The following PLD5 variants were observed in gnomAD, a reference collection of about 807,000 sequenced individuals.
PLD5 encodes the protein inactive phospholipase D5.
Under a neutral mutation model 61.1 loss-of-function variants are expected in PLD5, and 36 were observed. The ratio of observed to expected loss-of-function variants is 0.59; its 90% CI spans 0.45 to 0.78. The LOEUF (loss-of-function observed/expected upper bound fraction) is 0.78. Among genes scored for constraint, PLD5 ranks in the 30% least tolerant of loss-of-function variants. PLD5 has a pLI of 0.00. For missense variants in PLD5, 515 were observed against 644.4 expected, an observed-to-expected ratio of 0.80 and a Z score of 2.17; for synonymous variants, 243 against 242.8, an observed-to-expected ratio of 1.00 and a Z score of -0.01.
chr1:242,299,644 G>T (rs1383625115), intron 2 of PLD5, among the ~76,000 whole-genome samples: 1 of 152,232 alleles, frequency 6.6e-6, no homozygotes, highest in African/African-American at 2.4e-5. Flanking sequence ...ATGTCCTGGG[G>T]CATGAGGTCC....
intron 5 of PLD5, among the ~76,000 whole-genome samples, chr1:242,154,250 A>G (rs1032681767): frequency 6.6e-6 from 1 of 152,154 alleles, no homozygotes; most frequent in African/African-American, 2.4e-5. Context: ...TTGGGCTGAG[A>G]AGATGGGGTT....
At chr1:242,515,238 G>A (rs983242897) in intron 1 of PLD5, among the ~76,000 whole-genome samples, 59 of 152,108 alleles carry the variant, frequency 3.9e-4, no homozygotes, top group Admixed American at 3.9e-3. Context: ...GAGAGTGTGT[G>A]TATCACTACT....
intron 1 of PLD5, among the ~76,000 whole-genome samples, chr1:242,423,069 T>G (rs187481105): frequency 4.6e-5 from 7 of 152,176 alleles, no homozygotes; most frequent in African/African-American, 1.7e-4. Context: ...CAGGCTGGTC[T>G]TAAACTCCTG....
rs552607202 is a variant in PLD5, at chr1:242,505,332, C to T, written c.189+18756G>A. Among the ~76,000 whole-genome samples, 10 of 152,204 alleles carry T rather than the reference C, an allele frequency of 6.6e-5. No individual in the cohort carries two copies. In the South Asian group the frequency reaches 2.1e-3, roughly 32 times the overall value. On this transcript the variant is annotated intron_variant, in intron 1 of 9. Transcript: ENST00000536534. ...TTTGTAACAGGAAGGTTTAATTAGACCCCAAGAGTAGATTTCTGAACAAGG... is the reference window on the plus strand; with the variant it reads ...TTTGTAACAGGAAGGTTTAATTAGATCCCAAGAGTAGATTTCTGAACAAGG...
intron 5 of PLD5, among the ~76,000 whole-genome samples, chr1:242,193,852 G>A (rs1231552650): frequency 6.6e-6 from 1 of 152,178 alleles, no homozygotes; most frequent in East Asian, 1.9e-4. Flanking sequence ...AAAAGTAAAT[G>A]TTTTATAAAC....
chr1:242,277,174 A>C (rs1674461016), intron 3 of PLD5, among the ~76,000 whole-genome samples: 1 of 152,214 alleles, frequency 6.6e-6, no homozygotes, highest in Non-Finnish European at 1.5e-5. Context: ...CACAGCATCC[A>C]CAGCCTGGCA....
intron 1 of PLD5, among the ~76,000 whole-genome samples, chr1:242,481,421 C>A (rs188486191): frequency 1.3e-5 from 2 of 152,350 alleles, no homozygotes; most frequent in East Asian, 1.9e-4. Flanking sequence ...TATCCCGTGC[C>A]TGGCTCAGAG....
At chr1:242,254,296 C>T (rs1158020249) in intron 4 of PLD5, among the ~76,000 whole-genome samples, 3 of 144,914 alleles carry the variant, frequency 2.1e-5, no homozygotes, top group Non-Finnish European at 3.0e-5. Context: ...TATATATTAT[C>T]TAATTTAATT....
At chr1:242,203,571 A>T (rs1054822375) in intron 5 of PLD5, 1 of 152,206 alleles carries the variant, frequency 6.6e-6, no homozygotes, top group East Asian at 1.9e-4. Context: ...CTGAGTTTTC[A>T]GTTCATGCGA....
At chr1:242,220,233 G>T in intron 4 of PLD5, 118 bp from the exon 5 acceptor site, 3 of 1,321,876 alleles carry the variant, frequency 2.3e-6, no homozygotes, top group Non-Finnish European at 3.2e-6. Context: ...ATTTAGGAAA[G>T]CTAAATATTT....
intron 1 of PLD5, among the ~76,000 whole-genome samples, chr1:242,453,870 G>A (rs546956475): frequency 6.6e-6 from 1 of 152,210 alleles, no homozygotes; most frequent in Admixed American, 6.5e-5. Context: ...CTATCTTCCT[G>A]TACTACCTAT....
chr1:242,527,520 T>C (rs1313864959), upstream of PLD5, among the ~76,000 whole-genome samples: 2 of 152,234 alleles, frequency 1.3e-5, no homozygotes, highest in African/African-American at 4.8e-5. Context: ...AATTCATAGA[T>C]CACATTTGTT....
Position 242,089,963 on chromosome 1 carries a change from G to T in PLD5, c.1502C>A (p.Thr501Asn). The change falls in exon 10 of 10, where the codon ACC becomes AAC. Residue 501 changes from threonine to asparagine, a missense_variant. Physicochemically the swap from Thr to Asn is moderately conservative, Grantham distance 65. Coordinates refer to ENST00000536534, the MANE Select transcript of PLD5 (RefSeq NM_001372062.1). ...GTTCGGCTGTTTGGTTGGCTGTAAGGTTTTGGCATACGGTGAATACCAGTC... is the reference window on the plus strand; with the variant it reads ...GTTCGGCTGTTTGGTTGGCTGTAAGTTTTTGGCATACGGTGAATACCAGTC... ...ERDWYSPYAKTLQPTKQPNCS... is the reference protein window; with the variant it reads ...ERDWYSPYAKNLQPTKQPNCS... 2 of 1,614,202 alleles carry T rather than the reference G, an allele frequency of 1.2e-6. No individual in the cohort carries two copies. The highest frequency in any genetic ancestry group is 3.3e-4 in the Middle Eastern group (2 of 6,062).
chr1:242,107,596 G>T, intron 8 of PLD5, 75 bp downstream of exon 8: 1 of 1,354,274 alleles, frequency 7.4e-7, no homozygotes, highest in Non-Finnish European at 1.0e-6. Flanking sequence ...ACACATAGGC[G>T]TATGCTTGCA....
intron 1 of PLD5, among the ~76,000 whole-genome samples, chr1:242,494,142 T>TC (rs1161439332): frequency 1.6e-5 from 2 of 122,894 alleles, no homozygotes; most frequent in Non-Finnish European, 3.3e-5. Context: ...TCCCCTCTCC[T>TC]CTCTCGATTC....
At chr1:242,445,721 A>G (rs893656817) in intron 1 of PLD5, among the ~76,000 whole-genome samples, 2 of 149,082 alleles carry the variant, frequency 1.3e-5, no homozygotes, top group East Asian at 4.0e-4. Flanking sequence ...GTGGCATGCC[A>G]GGTAATGTAA....
intron 5 of PLD5, among the ~76,000 whole-genome samples, chr1:242,145,122 G>A (rs1285845059): frequency 6.6e-6 from 1 of 152,148 alleles, no homozygotes; most frequent in Non-Finnish European, 1.5e-5. Flanking sequence ...GTAAAGGATG[G>A]TACTAGAATG....
chr1:242,515,197 T>C (rs1228088052), intron 1 of PLD5, among the ~76,000 whole-genome samples: 2 of 147,830 alleles, frequency 1.4e-5, no homozygotes, highest in South Asian at 2.1e-4. Context: ...CCTTTGTGTG[T>C]GCGTGTGTGT....
intron 4 of PLD5, among the ~76,000 whole-genome samples, chr1:242,246,192 C>A (rs962808860): frequency 1.5e-4 from 23 of 151,710 alleles, no homozygotes; most frequent in African/African-American, 5.3e-4. Flanking sequence ...CACAGTGAGA[C>A]CCCCATCTCT....
Sources: allele counts gnomAD v4.1 joint callset (sites outside exome capture counted in the v4.1 genomes callset), GRCh38; gene constraint gnomAD v4.1.1; transcripts MANE v1.5; gene names NCBI Gene and HGNC (gene_info 2026-07-23, HGNC 2026-07-21).